The following CYP19A1 variants were observed in gnomAD, a reference collection of about 807,000 sequenced individuals.
CYP19A1 encodes aromatase.
In CYP19A1, 32 loss-of-function variants were observed where a neutral mutation model predicts 44.4. The observed-to-expected ratio is 0.72, with a 90% CI of 0.54 to 0.97. The LOEUF (loss-of-function observed/expected upper bound fraction) is 0.97. Among genes scored for constraint, CYP19A1 ranks in the 50% least tolerant of loss-of-function variants. The pLI, the probability that CYP19A1 is intolerant of heterozygous loss-of-function variation, is 0.00. For missense variants in CYP19A1, 598 were observed against 637.8 expected, an observed-to-expected ratio of 0.94 and a Z score of 0.67; for synonymous variants, 212 against 215.6, an observed-to-expected ratio of 0.98 and a Z score of 0.14.
At chr15:51,221,755 T>A (rs1437718863) in intron 5 of CYP19A1, 1 of 153,790 alleles carries the variant, frequency 6.5e-6, no homozygotes, top group Non-Finnish European at 1.4e-5. Context: ...GACATCTTGT[T>A]AAGGTTATAA....
chr15:51,222,660 T>C, intron 4 of CYP19A1, 135 bp from the exon 5 acceptor site: 1 of 741,870 alleles, frequency 1.3e-6, no homozygotes, highest in South Asian at 1.5e-5. Context: ...GTTTTCATAA[T>C]ATTTTCGTAT....
rs565901247 is a variant in CYP19A1, at chr15:51,211,633, A to T, written c.1264-577T>A. The T allele has an allele frequency of 9.3e-6, 4 of 430,820 alleles. No individual in the cohort carries two copies. The East Asian group carries it at 2.9e-4, about 31-fold the overall frequency. The allele number at this position is 430,820 out of a possible 1,614,324, so 26.7% of individuals were successfully genotyped here. A position where few individuals can be genotyped will look rare whatever the true frequency, so the allele number is the denominator to read the frequency against. Reference sequence around the variant, plus strand: ...CATTATCTGGATTGCCCGTGTAGAAACAAAATGAATTAGAGTACTGAATTA... The same window carrying T: ...CATTATCTGGATTGCCCGTGTAGAATCAAAATGAATTAGAGTACTGAATTA... On this transcript the variant is annotated intron_variant, in intron 9 of 9. Transcript: ENST00000396402.
intron 1 of CYP19A1, among the ~76,000 whole-genome samples, chr15:51,270,163 T>C (rs1052499434): frequency 1.3e-4 from 20 of 149,242 alleles, no homozygotes; most frequent in Admixed American, 9.4e-4. Flanking sequence ...TTTCTTTAGA[T>C]TTATTCCTAA....
chr15:51,283,597 G>A (rs1390716685), intron 1 of CYP19A1, among the ~76,000 whole-genome samples: 2 of 152,308 alleles, frequency 1.3e-5, no homozygotes, highest in South Asian at 4.1e-4. Context: ...CCATTTCTCA[G>A]GCTCTTGTTC....
intron 1 of CYP19A1, among the ~76,000 whole-genome samples, chr15:51,330,217 C>T (rs982091768): frequency 6.6e-6 from 1 of 152,074 alleles, no homozygotes; most frequent in African/African-American, 2.4e-5. Flanking sequence ...ATGAACATAT[C>T]ACATGGACCG....
chr15:51,333,799 T>A (rs1171513215), intron 1 of CYP19A1, among the ~76,000 whole-genome samples: 1 of 152,118 alleles, frequency 6.6e-6, no homozygotes, highest in Non-Finnish European at 1.5e-5. Context: ...TTGGCAGGAA[T>A]CCCTTTTGGT....
chr15:51,222,595 CTTTTT>C lies in CYP19A1; in HGVS notation c.452-75_452-71del, dbSNP rs964188374. ...CACACACACAATCATGCCATTTTGG[CTTTTT>C]ATGTTGGAGCTTAATTGTCCACAAT... On this transcript the variant is annotated intron_variant, in intron 4 of 9. Transcript: ENST00000396402. 6 of 1,324,612 alleles carry C rather than the reference CTTTTT, an allele frequency of 4.5e-6. No homozygotes were observed. In the Admixed American group the frequency reaches 9.3e-5, roughly 21 times the overall value. The allele number at this position is 1,324,612 out of a possible 1,614,324, so 82.1% of individuals were successfully genotyped here.
At chr15:51,242,474 A>G (rs949133106) in intron 2 of CYP19A1, among the ~76,000 whole-genome samples, 2 of 151,954 alleles carry the variant, frequency 1.3e-5, no homozygotes, top group Admixed American at 1.3e-4. Context: ...ATTTTACTTT[A>G]CTCCACCCCA....
intron 1 of CYP19A1, among the ~76,000 whole-genome samples, chr15:51,254,243 A>C (rs2034433576): frequency 6.6e-6 from 1 of 150,926 alleles, no homozygotes; most frequent in South Asian, 2.1e-4. Flanking sequence ...GTCTATTATC[A>C]GCCTTGCAAA....
In CYP19A1 at chr15:51,210,912, T is replaced by G; in HGVS notation, c.1408A>C (p.Ser470Arg). 6.2e-7 allele frequency: 1 copy of G among 1,603,486 alleles called. No homozygotes were observed. Among genetic ancestry groups the G allele is most frequent in the Non-Finnish European group, 8.5e-7 (1 of 1,170,300 alleles). ...VKTLQGQCVE[S>R]IQKIHDLSLH... is the part of the protein sequence containing the mutation. The stretch of plus-strand genomic sequence containing the variant: ...GACAAGTCGTGTATCTTCTGTATGC[T>G]CTCAACACACTGTCCTTGCAATGTC... Residue 470 changes from serine to arginine, a missense_variant, in exon 10 of 10, where the codon AGC becomes CGC. By Grantham distance (110) the Ser-to-Arg change is moderately radical. Coordinates refer to ENST00000396402, the MANE Select transcript of CYP19A1 (RefSeq NM_000103.4).
chr15:51,243,049 T>C lies in CYP19A1; in HGVS notation c.-38-99A>G. ...GGGTGCTGTACAGTACAGATTCACT[T>C]ACTGTTTTATAATGTGATCAGACAT... On this transcript the variant is annotated intron_variant, in intron 1 of 9. Transcript: ENST00000396402. The C allele has an allele frequency of 5.3e-6, 4 of 757,162 alleles. No homozygotes were observed. In the South Asian group the frequency reaches 5.5e-5, roughly 10 times the overall value. The allele number at this position is 757,162 out of a possible 1,614,324, so 46.9% of individuals were successfully genotyped here.
At chr15:51,262,649 T>C (rs2034773588) in intron 1 of CYP19A1, among the ~76,000 whole-genome samples, 1 of 152,222 alleles carries the variant, frequency 6.6e-6, no homozygotes, top group Non-Finnish European at 1.5e-5. Context: ...GGGTTATTGA[T>C]ATACGATTTC....
At chr15:51,277,088 C>A (rs946900618) in intron 1 of CYP19A1, 2 of 152,090 alleles carry the variant, frequency 1.3e-5, no homozygotes, top group African/African-American at 4.8e-5. Flanking sequence ...GAAAGTGGTA[C>A]AAGCAGTTCT....
chr15:51,330,876 T>C (rs1003256030), intron 1 of CYP19A1, among the ~76,000 whole-genome samples: 1 of 152,180 alleles, frequency 6.6e-6, no homozygotes, highest in Non-Finnish European at 1.5e-5. Context: ...AAAGTTTTCA[T>C]TGTATTTTGC....
At chr15:51,234,738 A>C (rs920666953) in intron 3 of CYP19A1, among the ~76,000 whole-genome samples, 3 of 152,074 alleles carry the variant, frequency 2.0e-5, no homozygotes, top group African/African-American at 7.2e-5. Flanking sequence ...CTCTAGATGG[A>C]ATGTTCTCAA....
chr15:51,259,173 G>A (rs959998185), intron 1 of CYP19A1, among the ~76,000 whole-genome samples: 1 of 152,170 alleles, frequency 6.6e-6, no homozygotes, highest in African/African-American at 2.4e-5. Context: ...TGAAGTACTG[G>A]GTAGAGTTGG....
chr15:51,214,418 G>C (rs2031359232), intron 8 of CYP19A1, among the ~76,000 whole-genome samples: 1 of 152,142 alleles, frequency 6.6e-6, no homozygotes, highest in African/African-American at 2.4e-5. Flanking sequence ...CAGGGGAGAG[G>C]AAGGGGCTAG....
intron 1 of CYP19A1, among the ~76,000 whole-genome samples, chr15:51,246,716 G>A (rs2141132946): frequency 6.6e-6 from 1 of 152,260 alleles, no homozygotes; most frequent in East Asian, 1.9e-4. Flanking sequence ...CACAGGGAGG[G>A]GAGGCAGGCC....
intron 1 of CYP19A1, among the ~76,000 whole-genome samples, chr15:51,262,305 C>T (rs1038704854): frequency 5.9e-5 from 9 of 152,048 alleles, no homozygotes; most frequent in African/African-American, 2.2e-4. Context: ...GTGGGTAAAT[C>T]TCTGTTCAGG....
Sources: allele counts gnomAD v4.1 joint callset (sites outside exome capture counted in the v4.1 genomes callset), GRCh38; gene constraint gnomAD v4.1.1; transcripts MANE v1.5; gene names NCBI Gene and HGNC (gene_info 2026-07-23, HGNC 2026-07-21).